Variants in SCARB1 observed in about 807,000 individuals in gnomAD.
The protein encoded by SCARB1 is CD36 and LIMPII analogous 1.
A neutral mutation model predicts 57.2 loss-of-function variants in SCARB1; 30 were observed. The observed-to-expected ratio is 0.52, with a 90% CI of 0.39 to 0.71. SCARB1 has a LOEUF of 0.71. Among genes scored for constraint, SCARB1 ranks in the 30% least tolerant of loss-of-function variants. SCARB1 has a pLI of 0.00. For synonymous variants in SCARB1, 249 were observed against 268.3 expected (o/e 0.93, Z 0.70); for missense variants, 543 against 671.2 (o/e 0.81, Z 2.11).
At position 124,863,703 on chromosome 12, in the gene SCARB1, T is replaced by G. The variant is rs1432262292; in HGVS notation, c.18A>C (p.Lys6Asn). ...CCAGCGCCCCGGCAGCCCAGCGCGC[T>G]TTGGCGGAGCAGCCCATGTCTGCGC... The part of the protein sequence containing the change: MGCSA[K>N]ARWAAGALGV... The change falls in exon 1 of 13, where the codon AAA becomes AAC. Residue 6 changes from lysine to asparagine, a missense_variant. Coordinates refer to ENST00000261693, the MANE Select transcript of SCARB1 (RefSeq NM_005505.5). 6.5e-7 allele frequency: 1 copy of G among 1,535,084 alleles called. No homozygotes were observed. The highest frequency in any genetic ancestry group is 8.8e-7 in the Non-Finnish European group (1 of 1,140,670).
chr12:124,838,654 C>T (rs1951788032), intron 1 of SCARB1, among the ~76,000 whole-genome samples: 2 of 152,100 alleles, frequency 1.3e-5, no homozygotes, highest in Non-Finnish European at 2.9e-5. Context: ...GGTCTACCAT[C>T]TACAAACCAA....
intron 1 of SCARB1, among the ~76,000 whole-genome samples, chr12:124,853,812 C>T (rs1344999751): frequency 1.3e-5 from 2 of 152,170 alleles, no homozygotes; most frequent in South Asian, 2.1e-4. Context: ...TGGGAAACAA[C>T]GGTGGCAGCT....
intron 7 of SCARB1, among the ~76,000 whole-genome samples, chr12:124,803,060 A>T (rs1950188604): frequency 6.6e-6 from 1 of 152,196 alleles, no homozygotes; most frequent in African/African-American, 2.4e-5. Context: ...ACCACCCACA[A>T]CGTCACGGAC....
intron 1 of SCARB1, among the ~76,000 whole-genome samples, chr12:124,840,339 G>A (rs1681106444): frequency 6.6e-6 from 1 of 152,044 alleles, no homozygotes; most frequent in South Asian, 2.1e-4. Flanking sequence ...CACCACACCC[G>A]GCTAATTTTT....
chr12:124,827,034 G>A (rs1031911437), intron 1 of SCARB1, among the ~76,000 whole-genome samples: 11 of 152,134 alleles, frequency 7.2e-5, no homozygotes, highest in Non-Finnish European at 1.3e-4. Context: ...ACGAGCCACC[G>A]TCCGAACATT....
At chr12:124,821,794 C>T (rs182622819) in intron 1 of SCARB1, among the ~76,000 whole-genome samples, 1 of 152,308 alleles carries the variant, frequency 6.6e-6, no homozygotes, top group East Asian at 1.9e-4. Flanking sequence ...TCCTCCTCTG[C>T]CCCACCTCCA....
intron 12 of SCARB1, among the ~76,000 whole-genome samples, chr12:124,781,125 G>T (rs912862089): frequency 6.6e-6 from 1 of 152,204 alleles, no homozygotes; most frequent in Admixed American, 6.5e-5. Flanking sequence ...CCTACTCCCA[G>T]ATGGACAGGA....
At chr12:124,813,480 T>C (rs537614708) in intron 4 of SCARB1, among the ~76,000 whole-genome samples, 47 of 152,192 alleles carry the variant, frequency 3.1e-4, no homozygotes, top group Non-Finnish European at 4.9e-4. Context: ...ACCGCTAGAC[T>C]TTTCTTGTGA....
intron 1 of SCARB1, among the ~76,000 whole-genome samples, chr12:124,848,576 T>G (rs1035185329): frequency 6.6e-6 from 1 of 152,198 alleles, no homozygotes; most frequent in African/African-American, 2.4e-5. Flanking sequence ...AGAGAGAGGA[T>G]GCACATGCAG....
At position 124,795,183 on chromosome 12, in the gene SCARB1, G is replaced by GTCCCCACTCACCCAA. The variant is rs1949900043; in HGVS notation, c.1199_1202+11dup. On this transcript the variant is annotated intron_variant, in intron 9 of 12. Coordinates refer to ENST00000261693, the MANE Select transcript of SCARB1 (RefSeq NM_005505.5). ...ATGAGCAATGCAGCCCCAGCTCCCA[G>GTCCCCACTCACCCAA]TCCCCACTCACCCAATGCCTGCGAC... 6.2e-7 allele frequency: 1 copy of GTCCCCACTCACCCAA among 1,609,832 alleles called. No individual in the cohort carries two copies. Among genetic ancestry groups the GTCCCCACTCACCCAA allele is most frequent in the Middle Eastern group, 1.7e-4 (1 of 6,050 alleles).
At position 124,859,334 on chromosome 12, in the gene SCARB1, C is replaced by T. The variant is rs565065926; in HGVS notation, c.126+4261G>A. Among the ~76,000 whole-genome samples the T allele has an allele frequency of 5.3e-5, 8 of 152,128 alleles. No homozygotes were observed. In the East Asian group the frequency reaches 5.8e-4, roughly 11 times the overall value. The stretch of plus-strand genomic sequence containing the variant: ...CAAGGTCAGGAGATCAAGACCATCC[C>T]GGCTAACACGGTGAAACCCCATCTC... On this transcript the variant is annotated intron_variant, in intron 1 of 12. Transcript: ENST00000261693.
At chr12:124,842,927 G>A (rs897543999) in intron 1 of SCARB1, among the ~76,000 whole-genome samples, 2 of 152,240 alleles carry the variant, frequency 1.3e-5, no homozygotes, top group African/African-American at 4.8e-5. Flanking sequence ...GGAACCGTGT[G>A]CCCTTGTGGG....
intron 7 of SCARB1, among the ~76,000 whole-genome samples, chr12:124,803,965 G>A (rs982523614): frequency 6.6e-6 from 1 of 152,212 alleles, no homozygotes; most frequent in Non-Finnish European, 1.5e-5. Flanking sequence ...TCTTTTGGCA[G>A]ATGTGCTAAG....
At chr12:124,805,988 G>A (rs775710260) in intron 7 of SCARB1, among the ~76,000 whole-genome samples, 10 of 152,246 alleles carry the variant, frequency 6.6e-5, no homozygotes, top group East Asian at 1.9e-4. Context: ...CATGGCTTAT[G>A]AGCATTTAAC....
intron 1 of SCARB1, among the ~76,000 whole-genome samples, chr12:124,854,087 C>A (rs901533802): frequency 6.6e-6 from 1 of 152,182 alleles, no homozygotes; most frequent in African/African-American, 2.4e-5. Context: ...CAACATGATA[C>A]CCAGGGAAGT....
At chr12:124,845,902 C>G (rs541896565) in intron 1 of SCARB1, among the ~76,000 whole-genome samples, 1 of 151,502 alleles carries the variant, frequency 6.6e-6, no homozygotes, top group African/African-American at 2.4e-5. Context: ...GTCCCAGCTA[C>G]TCGGGAGGCT....
Position 124,778,291 on chromosome 12 carries a change from G to T in SCARB1, c.*296C>A, listed in dbSNP as rs577277576. 7.0e-6 allele frequency: 4 copies of T among 571,728 alleles called. No individual in the cohort carries two copies. In the Admixed American group the frequency reaches 1.7e-4, roughly 25 times the overall value. The allele number at this position is 571,728 out of a possible 1,614,324, so 35.4% of individuals were successfully genotyped here. On this transcript the variant is annotated 3_prime_UTR_variant, in exon 13 of 13. Transcript: ENST00000261693. ...CAGGACCCACAGCCCCTGTGGTCAG[G>T]CCTGTGGGCCACGTGGAGAGAAGGT...
intron 1 of SCARB1, among the ~76,000 whole-genome samples, chr12:124,832,538 C>T (rs889635473): frequency 6.6e-6 from 1 of 150,780 alleles, no homozygotes; most frequent in Non-Finnish European, 1.5e-5. Context: ...AAAAACTGTT[C>T]TAAAACAGAA....
intron 9 of SCARB1, among the ~76,000 whole-genome samples, chr12:124,788,886 C>T (rs776023701): frequency 4.6e-5 from 7 of 152,022 alleles, no homozygotes; most frequent in Middle Eastern, 3.2e-3. Flanking sequence ...AACAGACAAA[C>T]GACAATATGT....
Sources: allele counts gnomAD v4.1 joint callset (sites outside exome capture counted in the v4.1 genomes callset), GRCh38; gene constraint gnomAD v4.1.1; transcripts MANE v1.5; gene names NCBI Gene and HGNC (gene_info 2026-07-23, HGNC 2026-07-21).